SESTD1: variants seen among roughly 807,000 people sequenced by gnomAD.
SESTD1 encodes SEC14 domain and spectrin repeat-containing protein 1.
A neutral mutation model predicts 101.7 loss-of-function variants in SESTD1; 43 were observed. The observed-to-expected ratio is 0.42, with a 90% CI of 0.33 to 0.55. The LOEUF (loss-of-function observed/expected upper bound fraction) is 0.55. Among genes scored for constraint, SESTD1 ranks in the 20% least tolerant of loss-of-function variants. The pLI is 0.07. For synonymous variants in SESTD1, 283 were observed against 286.8 expected (o/e 0.99, Z 0.13); for missense variants, 647 against 815.1 (o/e 0.79, Z 2.51).
chr2:179,146,623 G>C (rs1463020059), intron 7 of SESTD1, among the ~76,000 whole-genome samples, 166 bp from the exon 8 acceptor site: 1 of 152,096 alleles, frequency 6.6e-6, no homozygotes, highest in Non-Finnish European at 1.5e-5. Context: ...AGCCCATTAG[G>C]AAAAGTAAAT....
chr2:179,203,185 T>TG (rs1487192371), intron 1 of SESTD1, among the ~76,000 whole-genome samples: 1 of 134,980 alleles, frequency 7.4e-6, no homozygotes, highest in Non-Finnish European at 1.6e-5. Context: ...CCTTGCAGCA[T>TG]GACTCTATAC....
intron 13 of SESTD1, among the ~76,000 whole-genome samples, chr2:179,120,059 T>C (rs549461151): frequency 6.6e-6 from 1 of 151,860 alleles, no homozygotes; most frequent in South Asian, 2.1e-4. Flanking sequence ...TGAAACACCG[T>C]CTCTACTAAA....
At chr2:179,128,211 G>A (rs754123974) in intron 10 of SESTD1, among the ~76,000 whole-genome samples, 8 of 152,104 alleles carry the variant, frequency 5.3e-5, no homozygotes, top group Non-Finnish European at 8.8e-5. Context: ...ATTATTTCCT[G>A]GTTTGAATTT....
At chr2:179,236,749 G>GT (rs71848548) in intron 1 of SESTD1, among the ~76,000 whole-genome samples, 8,436 of 135,192 alleles carry the variant, frequency 0.062, 288 homozygotes, top group South Asian at 0.11. Context: ...ATCTGATGTA[G>GT]TTTTTTTTTT....
At chr2:179,194,792 T>C (rs1453030596) in intron 1 of SESTD1, among the ~76,000 whole-genome samples, 1 of 152,166 alleles carries the variant, frequency 6.6e-6, no homozygotes, top group Non-Finnish European at 1.5e-5. Flanking sequence ...CCCAGCCCTA[T>C]TTTATACCAA....
intron 7 of SESTD1, among the ~76,000 whole-genome samples, chr2:179,148,887 C>T (rs1575443596): frequency 6.6e-6 from 1 of 151,554 alleles, no homozygotes; most frequent in East Asian, 1.9e-4. Flanking sequence ...GGTGAAACGC[C>T]GTCTTTATTA....
chr2:179,264,534 G>C lies in SESTD1; in HGVS notation c.-61C>G, dbSNP rs1270597075. On this transcript the variant is annotated 5_prime_UTR_variant, in exon 1 of 18. Coordinates refer to ENST00000428443, the MANE Select transcript of SESTD1 (RefSeq NM_178123.5). The stretch of plus-strand genomic sequence containing the variant: ...CTGACGCTAGCGGCCGGCGGCTCCG[G>C]GGCGTTGGGGAAGACAGGGGAACGC... The C allele has an allele frequency of 2.0e-5, 3 of 151,162 alleles. No homozygotes were observed. Among genetic ancestry groups the C allele is most frequent in the African/African-American group, 7.3e-5 (3 of 41,282 alleles). 9.4% of individuals were successfully genotyped at this position (151,162 alleles called of 1,614,324 possible). A position where few individuals can be genotyped will look rare whatever the true frequency, so the allele number is the denominator to read the frequency against.
chr2:179,156,538 C>CA (rs752593605), intron 5 of SESTD1, among the ~76,000 whole-genome samples: 1 of 152,178 alleles, frequency 6.6e-6, no homozygotes, highest in Non-Finnish European at 1.5e-5. Context: ...AAGGTGGTAT[C>CA]ACATTGTGGT....
intron 1 of SESTD1, among the ~76,000 whole-genome samples, chr2:179,221,907 T>G (rs2046820957): frequency 6.6e-6 from 1 of 151,872 alleles, no homozygotes; most frequent in African/African-American, 2.4e-5. Context: ...GTGACGGAGT[T>G]AGACCCTGTC....
intron 1 of SESTD1, among the ~76,000 whole-genome samples, chr2:179,240,593 G>A (rs1315677018): frequency 6.6e-6 from 1 of 152,120 alleles, no homozygotes; most frequent in East Asian, 1.9e-4. Context: ...AAAGCCGCCA[G>A]TCAAAAGACC....
chr2:179,203,444 G>A (rs2046547226), intron 1 of SESTD1, among the ~76,000 whole-genome samples: 1 of 132,050 alleles, frequency 7.6e-6, no homozygotes, highest in Admixed American at 7.4e-5. Flanking sequence ...AAGGGGAGGG[G>A]AACAGTTCAG....
intron 17 of SESTD1, 51 bp from the exon 18 acceptor site, chr2:179,110,079 C>A: frequency 6.3e-7 from 1 of 1,587,674 alleles, no homozygotes; most frequent in South Asian, 1.1e-5. Context: ...AATCTATTAA[C>A]TGCAGTGAAT....
chr2:179,121,575 G>A (rs1038488836), intron 13 of SESTD1, among the ~76,000 whole-genome samples, 195 bp downstream of exon 13: 19 of 151,738 alleles, frequency 1.3e-4, no homozygotes, highest in Non-Finnish European at 8.8e-5. Flanking sequence ...AAGGAAAATG[G>A]TACCTAATAA....
intron 2 of SESTD1, among the ~76,000 whole-genome samples, chr2:179,184,074 C>A (rs1352689226): frequency 3.3e-5 from 5 of 152,052 alleles, no homozygotes; most frequent in Admixed American, 2.6e-4. Context: ...TACATGGGAA[C>A]TGGATATTGA....
chr2:179,246,473 C>T (rs900903231), intron 1 of SESTD1, among the ~76,000 whole-genome samples: 4 of 152,180 alleles, frequency 2.6e-5, no homozygotes, highest in African/African-American at 9.7e-5. Context: ...GATATCTCTT[C>T]AGTATCTCTC....
At chr2:179,151,205 C>T in intron 6 of SESTD1, 73 bp downstream of exon 6, 1 of 1,023,586 alleles carries the variant, frequency 9.8e-7, no homozygotes, top group Admixed American at 3.4e-5. Flanking sequence ...TTTTAATAGA[C>T]TAAAATGATA....
chr2:179,151,494 C>T (rs111492051), intron 5 of SESTD1, 103 bp from the exon 6 acceptor site: 27 of 626,090 alleles, frequency 4.3e-5, no homozygotes, highest in African/African-American at 3.8e-4. Flanking sequence ...ATATTGTTTC[C>T]AACATGATGA....
intron 1 of SESTD1, among the ~76,000 whole-genome samples, chr2:179,193,726 A>G (rs1354713311): frequency 1.3e-5 from 2 of 152,294 alleles, no homozygotes; most frequent in East Asian, 3.9e-4. Context: ...CCATCATGGG[A>G]CAAACCCCGT....
rs371127199 is a variant in SESTD1 at position 179,162,922 on chromosome 2, C to T, written c.369+9198G>A. ...AGGAGAATCGCTTGAACCTGGGAGG[C>T]GGAGGTTGCAGTGAGCCAAGATTGC... is the stretch of plus-strand genomic sequence containing the variant. On this transcript the variant is annotated intron_variant, in intron 5 of 17. Transcript: ENST00000428443. Among the ~76,000 whole-genome samples the T allele has an allele frequency of 1.7e-3, 257 of 148,972 alleles. 1 individual carries two copies. Among genetic ancestry groups the T allele is most frequent in the Middle Eastern group, 6.8e-3 (2 of 292 alleles).
Sources: allele counts gnomAD v4.1 joint callset (sites outside exome capture counted in the v4.1 genomes callset), GRCh38; gene constraint gnomAD v4.1.1; transcripts MANE v1.5; gene names NCBI Gene and HGNC (gene_info 2026-07-23, HGNC 2026-07-21).